Variants in UCHL3 observed in about 807,000 individuals in gnomAD.
UCHL3 encodes ubiquitin carboxyl-terminal hydrolase isozyme L3.
UCHL3 carries 22 observed loss-of-function variants against 35.8 expected under a neutral mutation model. The ratio of observed to expected loss-of-function variants is 0.61; its 90% confidence interval spans 0.44 to 0.88. The LOEUF (loss-of-function observed/expected upper bound fraction) is 0.88. Among genes scored for constraint, UCHL3 ranks in the 40% least tolerant of loss-of-function variants. UCHL3 has a pLI of 0.00. For synonymous variants in UCHL3, 90 were observed against 92.8 expected (o/e 0.97, Z 0.17); for missense variants, 229 against 276.9 (o/e 0.83, Z 1.23).
intron 3 of UCHL3, among the ~76,000 whole-genome samples, chr13:75,563,003 G>A (rs2031565930): frequency 6.6e-6 from 1 of 152,074 alleles, no homozygotes; most frequent in South Asian, 2.1e-4. Context: ...AGGATATCTA[G>A]TGCATTCTTT....
chr13:75,552,955 A>G (rs2138446711), intron 2 of UCHL3, among the ~76,000 whole-genome samples: 1 of 152,176 alleles, frequency 6.6e-6, no homozygotes, highest in East Asian at 1.9e-4. Flanking sequence ...CCCAAGGATT[A>G]TTATTCCTAC....
At chr13:75,576,857 A>T (rs898135200) in intron 6 of UCHL3, among the ~76,000 whole-genome samples, 4 of 152,206 alleles carry the variant, frequency 2.6e-5, no homozygotes, top group African/African-American at 9.7e-5. Context: ...ATATAACCTG[A>T]TATATACGTG....
At chr13:75,549,932 C>T (rs776449826) in intron 1 of UCHL3, 44 bp from the exon 2 acceptor site, 1 of 1,614,076 alleles carries the variant, frequency 6.2e-7, no homozygotes, top group Non-Finnish European at 8.5e-7. Flanking sequence ...GCCGCGAGTC[C>T]ACGGTGGTTT....
intron 4 of UCHL3, 126 bp from the exon 5 acceptor site, chr13:75,567,101 T>A: frequency 2.1e-6 from 2 of 956,696 alleles, no homozygotes; most frequent in Non-Finnish European, 3.1e-6. Flanking sequence ...AACATGATCC[T>A]TACATTTCTA....
At chr13:75,570,632 C>T (rs932598407) in intron 6 of UCHL3, among the ~76,000 whole-genome samples, 1 of 152,186 alleles carries the variant, frequency 6.6e-6, no homozygotes, top group Non-Finnish European at 1.5e-5. Flanking sequence ...TTTGGCTGAG[C>T]ATGCTGACTC....
intron 6 of UCHL3, among the ~76,000 whole-genome samples, chr13:75,587,979 C>T (rs1179794337): frequency 1.3e-5 from 2 of 152,116 alleles, no homozygotes; most frequent in African/African-American, 4.8e-5. Context: ...TGTGAATTGC[C>T]ACAAACGTAT....
At chr13:75,567,418 T>G in intron 5 of UCHL3, 106 bp downstream of exon 5, 3 of 954,396 alleles carry the variant, frequency 3.1e-6, no homozygotes, top group South Asian at 1.6e-5. Context: ...CAATTATGGA[T>G]TTTATTGTAT....
At chr13:75,558,930 G>T (rs2031385294) in intron 2 of UCHL3, among the ~76,000 whole-genome samples, 1 of 152,022 alleles carries the variant, frequency 6.6e-6, no homozygotes, top group African/African-American at 2.4e-5. Context: ...GTGGAGAAAG[G>T]AGCAGGAAGT....
chr13:75,570,479 A>G (rs7985714), intron 6 of UCHL3, among the ~76,000 whole-genome samples: 151,152 of 152,334 alleles, frequency 0.99, 75,002 homozygotes, highest in Middle Eastern at 1. Context: ...CTTGTGATCC[A>G]CCTGTCTCAG....
intron 6 of UCHL3, among the ~76,000 whole-genome samples, chr13:75,582,389 T>C (rs548982577): frequency 6.6e-6 from 1 of 152,328 alleles, no homozygotes; most frequent in South Asian, 2.1e-4. Flanking sequence ...AGTTTATATT[T>C]CATGTAAAGT....
chr13:75,605,620 G>A, intron 8 of UCHL3, 109 bp from the exon 9 acceptor site: 1 of 1,053,934 alleles, frequency 9.5e-7, no homozygotes, highest in Non-Finnish European at 1.4e-6. Context: ...TTTGGAAAAG[G>A]AAGTTTGCAG....
Position 75,585,061 on chromosome 13 carries a change from G to T in UCHL3, c.475-9854G>T, listed in dbSNP as rs1020298881. On this transcript the variant is annotated intron_variant, in intron 6 of 8. Coordinates refer to ENST00000377595, the MANE Select transcript of UCHL3 (RefSeq NM_006002.5). The stretch of plus-strand genomic sequence containing the variant: ...AGAGAGATGGAAAGATATGATGGGG[G>T]TGGGAGTGGGTGAGGGGTGGGGTCT... Among the ~76,000 whole-genome samples the T allele has an allele frequency of 2.0e-5, 3 of 151,762 alleles. No homozygotes were observed. In the East Asian group the frequency reaches 5.8e-4, roughly 29 times the overall value.
At chr13:75,604,465 G>A in intron 7 of UCHL3, 1 of 245,492 alleles carries the variant, frequency 4.1e-6, no homozygotes, top group Non-Finnish European at 7.7e-6. Flanking sequence ...TAAAAGCTGG[G>A]GTGATAATTT....
At chr13:75,579,588 C>T (rs897532747) in intron 6 of UCHL3, among the ~76,000 whole-genome samples, 3 of 151,986 alleles carry the variant, frequency 2.0e-5, no homozygotes, top group Non-Finnish European at 2.9e-5. Context: ...TTTCCTCCCC[C>T]CTTCTTTCTT....
chr13:75,557,263 G>A (rs950420088), intron 2 of UCHL3, among the ~76,000 whole-genome samples: 1 of 151,494 alleles, frequency 6.6e-6, no homozygotes. Context: ...CATGGCAGTA[G>A]AGGTGAAGTG....
At position 75,566,767 on chromosome 13, in the gene UCHL3, T is replaced by A. The variant is rs2138490544; in HGVS notation, c.256T>A (p.Phe86Ile). The change falls in exon 4 of 9, where the codon TTC (phenylalanine) becomes ATC (isoleucine). Residue 86 changes from phenylalanine to isoleucine, a missense_variant. Physicochemically the swap from Phe to Ile is conservative, Grantham distance 21. Transcript: ENST00000377595. The stretch of plus-strand genomic sequence containing the variant: ...ACAAGATGTTACATCATCAGTATAT[T>A]TCATGAAGCAAACAATCAGCAATGC... ...QGQDVTSSVY[F>I]MKQTISNACG... 6.2e-7 allele frequency: 1 copy of A among 1,612,064 alleles called. No homozygotes were observed. Among genetic ancestry groups the A allele is most frequent in the East Asian group, 2.2e-5 (1 of 44,712 alleles).
chr13:75,554,508 A>G (rs937460655), intron 2 of UCHL3, among the ~76,000 whole-genome samples: 2 of 152,196 alleles, frequency 1.3e-5, no homozygotes, highest in African/African-American at 2.4e-5. Context: ...GGCTATTCCA[A>G]ATACGGCTAT....
Position 75,549,869 on chromosome 13 carries a change from G to C in UCHL3, c.42+7G>C. The stretch of plus-strand genomic sequence containing the variant: ...GCTGGAGGCCAATCCCGAGGTGGGC[G>C]CGCTTCGGGGCAGCCCTGGGCCGTG... On this transcript the variant is annotated splice_region_variant and intron_variant, in intron 1 of 8. Transcript: ENST00000377595. 1 of 1,609,424 alleles carries C rather than the reference G, an allele frequency of 6.2e-7. No individual in the cohort carries two copies. The highest frequency in any genetic ancestry group is 8.5e-7 in the Non-Finnish European group (1 of 1,177,496).
At chr13:75,595,191 C>A (rs185379521) in intron 7 of UCHL3, among the ~76,000 whole-genome samples, 235 of 152,200 alleles carry the variant, frequency 1.5e-3, no homozygotes, top group Non-Finnish European at 1.6e-3. Flanking sequence ...ACTTATAATT[C>A]AAAAATGTTT....
Sources: allele counts gnomAD v4.1 joint callset (sites outside exome capture counted in the v4.1 genomes callset), GRCh38; gene constraint gnomAD v4.1.1; transcripts MANE v1.5; gene names NCBI Gene and HGNC (gene_info 2026-07-23, HGNC 2026-07-21).